Variants in TRAK1 observed in about 807,000 individuals in gnomAD.
TRAK1 encodes the protein trafficking kinesin-binding protein 1.
A neutral mutation model predicts 92.1 loss-of-function variants in TRAK1; 33 were observed. That is an observed-to-expected ratio of 0.36 (90% CI 0.27 to 0.48). TRAK1 has a LOEUF of 0.48. Ranked by LOEUF, TRAK1 falls within the 20% of genes least tolerant of loss-of-function variation. The probability of loss-of-function intolerance (pLI) is 0.99; values close to 1 mark genes in which losing one functional copy is unlikely to be tolerated. For missense variants in TRAK1, 1,123 were observed against 1,257.9 expected (o/e 0.89, Z 1.62); for synonymous variants, 521 against 517.3 (o/e 1.01, Z -0.10).
intron 2 of TRAK1, among the ~76,000 whole-genome samples, chr3:42,126,919 T>C (rs1710632984): frequency 6.6e-6 from 1 of 152,228 alleles, no homozygotes; most frequent in South Asian, 2.1e-4. Context: ...TCTTTGTGAA[T>C]ACTGCAGATA....
At chr3:42,015,609 G>A (rs939561) in intron 1 of TRAK1, among the ~76,000 whole-genome samples, 109,875 of 152,072 alleles carry the variant, frequency 0.72, 42,076 homozygotes, top group Non-Finnish European at 0.84. Context: ...TGACATGGGA[G>A]CGTTTTCAGG....
rs576542327 is a variant in TRAK1 at position 42,124,896 on chromosome 3, T to TG, written c.92-523dup. On this transcript the variant is annotated intron_variant, in intron 1 of 15. Coordinates refer to ENST00000327628, the MANE Select transcript of TRAK1 (RefSeq NM_001042646.3). ...ACCATGACTCTTGTGTTCACCACTG[T>TG]GTCTCCTTTGCCCGTGGTACTCAGG... 5.3e-5 allele frequency among the ~76,000 whole-genome samples: 8 copies of TG among 152,326 alleles called. No homozygotes were observed. In the South Asian group the frequency reaches 1.7e-3, roughly 32 times the overall value.
chr3:42,211,085 G>T, intron 14 of TRAK1: 1 of 985,434 alleles, frequency 1.0e-6, no homozygotes, highest in Non-Finnish European at 1.2e-6. Context: ...ACCCTGTGTT[G>T]TCATCCTCAT....
intron 2 of TRAK1, among the ~76,000 whole-genome samples, chr3:42,156,368 G>A (rs373407745): frequency 2.6e-5 from 4 of 152,342 alleles, no homozygotes; most frequent in African/African-American, 7.2e-5. Flanking sequence ...CGTGAAGAGT[G>A]TCTAAACCCA....
chr3:42,137,091 A>AT (rs35624733), intron 2 of TRAK1, among the ~76,000 whole-genome samples: 4,500 of 151,670 alleles, frequency 0.03, 237 homozygotes, highest in African/African-American at 0.1. Context: ...TTTTTTCTAG[A>AT]TTTTTTTTTT....
chr3:42,117,976 C>A (rs1170123396), intron 1 of TRAK1, among the ~76,000 whole-genome samples: 1 of 152,210 alleles, frequency 6.6e-6, no homozygotes, highest in South Asian at 2.1e-4. Context: ...CGTGCTGCCA[C>A]GCCCAGATAA....
At chr3:42,065,556 T>G (rs1703640914) in intron 1 of TRAK1, among the ~76,000 whole-genome samples, 1 of 152,076 alleles carries the variant, frequency 6.6e-6, no homozygotes, top group Admixed American at 6.5e-5. Context: ...AGTTTGATAT[T>G]AATCAGACAA....
intron 13 of TRAK1, among the ~76,000 whole-genome samples, chr3:42,208,620 A>G (rs954463697): frequency 6.6e-6 from 1 of 152,220 alleles, no homozygotes. Flanking sequence ...CCCTTGGTAA[A>G]CCAGTGGTGA....
intron 2 of TRAK1, among the ~76,000 whole-genome samples, chr3:42,139,244 A>G (rs926528185): frequency 6.6e-6 from 1 of 152,104 alleles, no homozygotes; most frequent in South Asian, 2.1e-4. Flanking sequence ...CAAGGACCTA[A>G]GTGAGCCCTG....
intron 1 of TRAK1, among the ~76,000 whole-genome samples, chr3:42,081,084 C>T (rs947916619): frequency 2.6e-5 from 4 of 152,122 alleles, no homozygotes; most frequent in Admixed American, 6.5e-5. Flanking sequence ...ACCATGTTGC[C>T]CAGGCTGCTC....
chr3:42,209,168 C>G (rs1371920276), intron 13 of TRAK1, among the ~76,000 whole-genome samples: 1 of 152,220 alleles, frequency 6.6e-6, no homozygotes, highest in African/African-American at 2.4e-5. Flanking sequence ...CCGGCAGCCT[C>G]TCAAAGTTGC....
chr3:42,179,384 T>A (rs557278625), intron 3 of TRAK1, among the ~76,000 whole-genome samples: 1 of 152,314 alleles, frequency 6.6e-6, no homozygotes, highest in East Asian at 1.9e-4. Flanking sequence ...AATGGGGGAT[T>A]CGCACAGGAT....
At position 42,093,295 on chromosome 3, in the gene TRAK1, A is replaced by T. The variant is rs77031191; in HGVS notation, c.91+1735A>T. Among the ~76,000 whole-genome samples, 182 of 151,798 alleles carry T rather than the reference A, an allele frequency of 1.2e-3. 3 individuals carry two copies. The East Asian group carries it at 0.031, about 26-fold the overall frequency. On this transcript the variant is annotated intron_variant, in intron 1 of 15. Transcript: ENST00000327628. ...ATGGAATGCAGAAAGGGGCCCTGTT[A>T]TGCTAATTTCTAGAGAGAGCATTTG...
intron 2 of TRAK1, among the ~76,000 whole-genome samples, chr3:42,126,646 A>G (rs1198120198): frequency 6.6e-6 from 1 of 152,176 alleles, no homozygotes; most frequent in Non-Finnish European, 1.5e-5. Flanking sequence ...GTGTCACTTA[A>G]AAAAAAGTAT....
chr3:42,184,725 CGTT>C lies in TRAK1; in HGVS notation c.409_411del (p.Leu137del), dbSNP rs1287276458. 1 of 1,614,112 alleles carries C rather than the reference CGTT, an allele frequency of 6.2e-7. No individual in the cohort carries two copies. The highest frequency in any genetic ancestry group is 8.5e-7 in the Non-Finnish European group (1 of 1,180,008). ...GAATTGGCCGCTCGCATCGGCCAGT[CGTT>C]GTTGAAGAAGAACAAGACCCTAACC... On this transcript the variant is annotated inframe_deletion, in exon 4 of 16. Coordinates refer to ENST00000327628, the MANE Select transcript of TRAK1 (RefSeq NM_001042646.3).
chr3:42,050,000 G>A (rs1702915922), intron 1 of TRAK1, among the ~76,000 whole-genome samples: 1 of 152,178 alleles, frequency 6.6e-6, no homozygotes, highest in Non-Finnish European at 1.5e-5. Flanking sequence ...TATGTGCAGA[G>A]CAGGGCTTGT....
chr3:42,103,101 C>G (rs1027359498), intron 1 of TRAK1, among the ~76,000 whole-genome samples: 3 of 152,156 alleles, frequency 2.0e-5, no homozygotes, highest in Admixed American at 1.3e-4. Context: ...TTCATTCACC[C>G]CCCGAAAAGC....
intron 2 of TRAK1, among the ~76,000 whole-genome samples, chr3:42,162,005 C>T (rs1701330584): frequency 6.6e-6 from 1 of 152,154 alleles, no homozygotes; most frequent in Admixed American, 6.5e-5. Context: ...TGTGAGCTTG[C>T]TAGAAATGCA....
intron 2 of TRAK1, among the ~76,000 whole-genome samples, chr3:42,163,558 A>G (rs376952303): frequency 1.4e-5 from 2 of 146,490 alleles, no homozygotes; most frequent in East Asian, 2.0e-4. Context: ...GCAGAGCGAG[A>G]CTCCATCTCA....
Sources: allele counts gnomAD v4.1 joint callset (sites outside exome capture counted in the v4.1 genomes callset), GRCh38; gene constraint gnomAD v4.1.1; transcripts MANE v1.5; gene names NCBI Gene and HGNC (gene_info 2026-07-23, HGNC 2026-07-21).